Variants in SOX6 observed in about 807,000 individuals in gnomAD.
SOX6 encodes SRY-box transcription factor 6, also known as transcription factor SOX-6.
A neutral mutation model predicts 97.8 loss-of-function variants in SOX6; 11 were observed. That is an observed-to-expected ratio of 0.11 (90% CI 0.07 to 0.19). The LOEUF is 0.19. Among genes scored for constraint, SOX6 ranks in the 10% least tolerant of loss-of-function variants. SOX6 has a pLI of 1.00. For missense variants in SOX6, 810 were observed against 1,039.5 expected, an observed-to-expected ratio of 0.78 and a Z score of 3.04; for synonymous variants, 360 against 371.4, an observed-to-expected ratio of 0.97 and a Z score of 0.35.
At chr11:16,253,523 C>T (rs1853583111) in intron 3 of SOX6, among the ~76,000 whole-genome samples, 2 of 151,962 alleles carry the variant, frequency 1.3e-5, no homozygotes, top group African/African-American at 4.8e-5. Flanking sequence ...AGCAGAGAGA[C>T]ATAAATCTAA....
intron 4 of SOX6, among the ~76,000 whole-genome samples, chr11:16,496,532 C>T (rs550787564): frequency 1.4e-4 from 22 of 152,318 alleles, no homozygotes; most frequent in African/African-American, 2.2e-4. Context: ...TCGCCTCACC[C>T]GGGAAGTGCA....
chr11:16,026,240 A>G (rs1855213028), intron 12 of SOX6, among the ~76,000 whole-genome samples: 1 of 152,208 alleles, frequency 6.6e-6, no homozygotes, highest in South Asian at 2.1e-4. Context: ...CATTGATAAA[A>G]TCACGCCTAA....
At chr11:16,253,589 T>C (rs989659286) in intron 3 of SOX6, among the ~76,000 whole-genome samples, 7 of 151,996 alleles carry the variant, frequency 4.6e-5, no homozygotes, top group African/African-American at 1.2e-4. Context: ...AAATGAAGAA[T>C]GCCTTTGCTG....
chr11:16,084,620 T>A (rs1407974813), intron 9 of SOX6, among the ~76,000 whole-genome samples: 3 of 152,170 alleles, frequency 2.0e-5, no homozygotes, highest in Non-Finnish European at 2.9e-5. Flanking sequence ...CTTAGCTTTT[T>A]TAACTGCAGA....
intron 6 of SOX6, among the ~76,000 whole-genome samples, chr11:16,131,334 A>G (rs1849734878): frequency 6.6e-6 from 1 of 152,140 alleles, no homozygotes; most frequent in South Asian, 2.1e-4. Context: ...ATGAGTGGCC[A>G]ATAAGTATAT....
intron 2 of SOX6, among the ~76,000 whole-genome samples, chr11:16,736,098 C>T (rs1848389390): frequency 6.6e-6 from 1 of 152,122 alleles, no homozygotes; most frequent in Non-Finnish European, 1.5e-5. Flanking sequence ...TATAAGATAC[C>T]ACTCTGGTAC....
At chr11:16,611,990 A>G (rs1309220238) in intron 4 of SOX6, 1 of 152,670 alleles carries the variant, frequency 6.6e-6, no homozygotes, top group South Asian at 2.1e-4. Flanking sequence ...GTTAATTTTT[A>G]AATGCGCTTC....
At chr11:16,484,337 C>A (rs1860395153) in intron 4 of SOX6, 2 of 866,734 alleles carry the variant, frequency 2.3e-6, no homozygotes, top group African/African-American at 3.3e-5. Context: ...GCCAGTTGGC[C>A]AGTGAATAAG....
intron 3 of SOX6, among the ~76,000 whole-genome samples, chr11:16,668,114 C>T (rs574918859): frequency 6.6e-6 from 1 of 152,312 alleles, no homozygotes; most frequent in South Asian, 2.1e-4. Context: ...TGGCTCACGT[C>T]TGTAATCCCA....
intron 1 of SOX6, among the ~76,000 whole-genome samples, chr11:16,364,893 A>G (rs1590161340): frequency 1.3e-5 from 2 of 152,084 alleles, no homozygotes; most frequent in African/African-American, 2.4e-5. Flanking sequence ...TTTAAGCCTC[A>G]ATTTTCCCAT....
chr11:16,052,104 T>C (rs1186483973), intron 10 of SOX6, among the ~76,000 whole-genome samples: 1 of 152,198 alleles, frequency 6.6e-6, no homozygotes, highest in African/African-American at 2.4e-5. Flanking sequence ...ATATGGAGTT[T>C]ATTACATCTT....
chr11:16,511,416 G>T (rs1279824812), intron 4 of SOX6, among the ~76,000 whole-genome samples: 2 of 152,104 alleles, frequency 1.3e-5, no homozygotes, highest in Non-Finnish European at 2.9e-5. Context: ...TTTTAAGCAA[G>T]AAAAATTCCA....
At chr11:16,228,416 C>A (rs1227924787) in intron 4 of SOX6, among the ~76,000 whole-genome samples, 2 of 151,824 alleles carry the variant, frequency 1.3e-5, no homozygotes, top group Non-Finnish European at 2.9e-5. Flanking sequence ...CTCAGTAATG[C>A]TAGAAAGGAG....
intron 3 of SOX6, among the ~76,000 whole-genome samples, chr11:16,287,281 C>A (rs1323113528): frequency 4.1e-5 from 6 of 146,670 alleles, no homozygotes; most frequent in African/African-American, 7.6e-5. Flanking sequence ...CTCTCTCTCT[C>A]TCTCTCTCTC....
intron 4 of SOX6, among the ~76,000 whole-genome samples, chr11:16,210,317 G>A (rs896645104): frequency 3.9e-5 from 6 of 152,194 alleles, no homozygotes; most frequent in Admixed American, 2.0e-4. Flanking sequence ...AAAAAGGAAC[G>A]AGGTACTGAT....
intron 3 of SOX6, among the ~76,000 whole-genome samples, chr11:16,246,914 C>T (rs1004911224): frequency 3.3e-5 from 5 of 152,084 alleles, no homozygotes; most frequent in Admixed American, 2.6e-4. Flanking sequence ...GTGTTAGAAA[C>T]ATTCCAGTTC....
chr11:16,404,553 T>C (rs1023439088), intron 1 of SOX6, among the ~76,000 whole-genome samples: 2 of 151,972 alleles, frequency 1.3e-5, no homozygotes, highest in African/African-American at 2.4e-5. Context: ...AGTTGCAAGA[T>C]ACTTTAAAAA....
intron 9 of SOX6, among the ~76,000 whole-genome samples, chr11:16,087,651 T>A (rs942953768): frequency 6.6e-6 from 1 of 152,134 alleles, no homozygotes; most frequent in Non-Finnish European, 1.5e-5. Flanking sequence ...AACAGTCTAA[T>A]AGGTCTTAAT....
chr11:16,130,492 A>G (rs1036188364), intron 6 of SOX6, among the ~76,000 whole-genome samples: 3 of 152,082 alleles, frequency 2.0e-5, no homozygotes, highest in Admixed American at 2.0e-4. Flanking sequence ...ACAAAGGAAA[A>G]TTTTGAAACA....
Sources: gnomAD v4.1 joint callset for allele counts (sites outside exome capture counted in the v4.1 genomes callset) on GRCh38, gnomAD v4.1.1 for gene constraint, MANE v1.5 for transcripts, NCBI Gene and HGNC (gene_info 2026-07-23, HGNC 2026-07-21) for gene names.